Variants in FMN1 observed in about 807,000 individuals in gnomAD.
The protein encoded by FMN1 is formin-1.
A neutral mutation model predicts 132.4 loss-of-function variants in FMN1; 110 were observed. The ratio of observed to expected loss-of-function variants is 0.83; its 90% CI spans 0.71 to 0.97. The LOEUF (loss-of-function observed/expected upper bound fraction) is 0.97, where lower values mean the gene tolerates loss of function less well. Among genes scored for constraint, FMN1 ranks in the 50% least tolerant of loss-of-function variants. FMN1 has a pLI of 0.00. For missense variants in FMN1, 1,792 were observed against 1,705.3 expected, an observed-to-expected ratio of 1.05 and a Z score of -0.90; for synonymous variants, 722 against 651.7, an observed-to-expected ratio of 1.11 and a Z score of -1.64.
intron 9 of FMN1, among the ~76,000 whole-genome samples, chr15:32,931,043 T>C (rs976670579): frequency 2.0e-5 from 3 of 152,148 alleles, no homozygotes; most frequent in Admixed American, 6.6e-5. Flanking sequence ...TCTGTTCTAT[T>C]GGCCTATAAT....
chr15:32,785,492 T>C (rs2056845885), intron 19 of FMN1, among the ~76,000 whole-genome samples: 1 of 151,974 alleles, frequency 6.6e-6, no homozygotes, highest in South Asian at 2.1e-4. Context: ...TGTTTAAAAA[T>C]AGGTAACTGG....
intron 3 of FMN1, among the ~76,000 whole-genome samples, chr15:33,162,824 A>G (rs1964948016): frequency 6.6e-6 from 1 of 152,172 alleles, no homozygotes; most frequent in Non-Finnish European, 1.5e-5. Flanking sequence ...GAAACAAATT[A>G]AAGTGTTACA....
chr15:33,043,960 A>C (rs2036561407), intron 6 of FMN1, among the ~76,000 whole-genome samples: 1 of 152,194 alleles, frequency 6.6e-6, no homozygotes, highest in Non-Finnish European at 1.5e-5. Flanking sequence ...GGACCCAGGA[A>C]GTCCCCCTTT....
chr15:32,799,229 C>T (rs952888600), intron 18 of FMN1, among the ~76,000 whole-genome samples: 2 of 152,140 alleles, frequency 1.3e-5, no homozygotes, highest in African/African-American at 2.4e-5. Flanking sequence ...GTAGGTAAAA[C>T]GTCTCGAGTT....
chr15:32,952,566 T>TAA (rs376735493), intron 9 of FMN1, among the ~76,000 whole-genome samples: 181 of 152,298 alleles, frequency 1.2e-3, no homozygotes, highest in African/African-American at 4.2e-3. Flanking sequence ...AAACAAAGTT[T>TAA]AAAGCTGGGT....
At chr15:33,039,032 T>G (rs2036308114) in intron 6 of FMN1, among the ~76,000 whole-genome samples, 2 of 152,218 alleles carry the variant, frequency 1.3e-5, no homozygotes, top group South Asian at 4.1e-4. Flanking sequence ...CAGATTATTT[T>G]TGTTTCCCCA....
At chr15:32,913,799 G>A (rs1248594455) in intron 10 of FMN1, among the ~76,000 whole-genome samples, 7 of 152,172 alleles carry the variant, frequency 4.6e-5, no homozygotes, top group Admixed American at 3.9e-4. Flanking sequence ...CTCCCAGCAT[G>A]GTACCAGGGG....
intron 7 of FMN1, among the ~76,000 whole-genome samples, chr15:32,978,947 G>A (rs532371188): frequency 6.6e-6 from 1 of 152,312 alleles, no homozygotes; most frequent in South Asian, 2.1e-4. Flanking sequence ...AATGGAGTCA[G>A]TTGATATAAA....
At chr15:32,821,568 C>T (rs1030228497) in intron 17 of FMN1, among the ~76,000 whole-genome samples, 1 of 151,310 alleles carries the variant, frequency 6.6e-6, no homozygotes, top group African/African-American at 2.4e-5. Flanking sequence ...TTCTCTGCCC[C>T]AGCCTCCCAA....
intron 15 of FMN1, among the ~76,000 whole-genome samples, chr15:32,895,417 A>G (rs2060130006): frequency 6.6e-6 from 1 of 152,122 alleles, no homozygotes; most frequent in Non-Finnish European, 1.5e-5. Context: ...TGTATAAATT[A>G]GGAAAATGTG....
intron 8 of FMN1, among the ~76,000 whole-genome samples, chr15:32,967,655 A>G (rs969110875): frequency 1.3e-5 from 2 of 152,234 alleles, no homozygotes; most frequent in African/African-American, 4.8e-5. Context: ...TGTTCCAAAA[A>G]CAAACTCTTG....
At chr15:33,021,789 T>C (rs2035429467) in intron 6 of FMN1, among the ~76,000 whole-genome samples, 1 of 152,214 alleles carries the variant, frequency 6.6e-6, no homozygotes, top group Non-Finnish European at 1.5e-5. Context: ...TGTTCTATCA[T>C]AATAGAGGTG....
chr15:32,822,905 T>C (rs1438503870), intron 17 of FMN1, among the ~76,000 whole-genome samples: 1 of 152,126 alleles, frequency 6.6e-6, no homozygotes, highest in Non-Finnish European at 1.5e-5. Context: ...GTTTGTTGAG[T>C]TTCTTGGCTT....
intron 5 of FMN1, 57 bp downstream of exon 5, chr15:33,088,742 A>C: frequency 7.2e-7 from 1 of 1,394,242 alleles, no homozygotes; most frequent in Non-Finnish European, 9.6e-7. Context: ...ATACATATTA[A>C]ATGAGCCTCT....
At chr15:32,912,397 A>C (rs1427101257) in intron 10 of FMN1, among the ~76,000 whole-genome samples, 1 of 152,208 alleles carries the variant, frequency 6.6e-6, no homozygotes, top group Non-Finnish European at 1.5e-5. Context: ...CCAGCCCTTG[A>C]ATAAGTATTT....
intron 17 of FMN1, among the ~76,000 whole-genome samples, chr15:32,804,860 A>G (rs2057621909): frequency 6.6e-6 from 1 of 152,172 alleles, no homozygotes; most frequent in Non-Finnish European, 1.5e-5. Context: ...TTATGACTGC[A>G]TAGTATTCCA....
chr15:33,062,327 TTAAA>T (rs548771273), intron 6 of FMN1, among the ~76,000 whole-genome samples: 29 of 152,200 alleles, frequency 1.9e-4, no homozygotes, highest in Middle Eastern at 3.4e-3. Flanking sequence ...TTTAAAGAGT[TTAAA>T]TAACAGTAGG....
intron 6 of FMN1, among the ~76,000 whole-genome samples, chr15:33,029,428 A>C (rs928553894): frequency 6.6e-6 from 1 of 152,120 alleles, no homozygotes; most frequent in Non-Finnish European, 1.5e-5. Flanking sequence ...GATGGAAAAT[A>C]CTTGAAATAG....
intron 16 of FMN1, among the ~76,000 whole-genome samples, chr15:32,878,554 C>T (rs943555249): frequency 6.6e-6 from 1 of 152,114 alleles, no homozygotes; most frequent in Non-Finnish European, 1.5e-5. Context: ...AGCTGTCAGA[C>T]ATGAGAGCAC....
Sources: gnomAD v4.1 joint callset for allele counts (sites outside exome capture counted in the v4.1 genomes callset) on GRCh38, gnomAD v4.1.1 for gene constraint, MANE v1.5 for transcripts, NCBI Gene and HGNC (gene_info 2026-07-23, HGNC 2026-07-21) for gene names.